The following FAM13B variants were observed in gnomAD, a reference collection of about 807,000 sequenced individuals.
The protein encoded by FAM13B is protein FAM13B.
Under a neutral mutation model 117.3 loss-of-function variants are expected in FAM13B, and 60 were observed. The ratio of observed to expected loss-of-function variants is 0.51; its 90% confidence interval spans 0.42 to 0.63. The LOEUF is 0.63. FAM13B is among the 30% of genes least tolerant of loss of function. The pLI is 0.00. For missense variants in FAM13B, 972 were observed against 1,091.9 expected (o/e 0.89, Z 1.55); for synonymous variants, 332 against 356.1 (o/e 0.93, Z 0.76).
chr5:137,986,919 T>C (rs914394639), intron 9 of FAM13B, among the ~76,000 whole-genome samples: 7 of 152,314 alleles, frequency 4.6e-5, no homozygotes, highest in South Asian at 4.1e-4. Flanking sequence ...GTTTTGGATT[T>C]GGGAGCACTT....
At chr5:137,950,909 TAAG>T (rs1349016279) in intron 17 of FAM13B, among the ~76,000 whole-genome samples, 3 of 152,106 alleles carry the variant, frequency 2.0e-5, no homozygotes, top group African/African-American at 7.2e-5. Context: ...AAAGAGGAGT[TAAG>T]AGACATTATC....
chr5:138,013,691 G>T (rs1784595172), intron 4 of FAM13B, among the ~76,000 whole-genome samples: 1 of 151,970 alleles, frequency 6.6e-6, no homozygotes, highest in African/African-American at 2.4e-5. Context: ...TAAATCACTG[G>T]ACCTATAACT....
intron 10 of FAM13B, among the ~76,000 whole-genome samples, chr5:137,968,438 CAAAAAAA>C (rs1158179498): frequency 3.5e-5 from 2 of 57,952 alleles, no homozygotes; most frequent in Non-Finnish European, 7.2e-5. Flanking sequence ...GACTCTGTCT[CAAAAAAA>C]AAAAAAAAAA....
At chr5:137,994,357 A>C (rs971280558) in intron 7 of FAM13B, among the ~76,000 whole-genome samples, 2 of 152,246 alleles carry the variant, frequency 1.3e-5, no homozygotes, top group Non-Finnish European at 2.9e-5. Flanking sequence ...TCTGAAGGAC[A>C]AAAAGGACTG....
chr5:137,996,020 G>A (rs1278675246), intron 7 of FAM13B, among the ~76,000 whole-genome samples: 1 of 152,138 alleles, frequency 6.6e-6, no homozygotes, highest in Non-Finnish European at 1.5e-5. Flanking sequence ...TTTGCAAACT[G>A]TATGACTCGA....
At chr5:137,972,769 A>T (rs1401133393) in intron 10 of FAM13B, among the ~76,000 whole-genome samples, 2 of 152,194 alleles carry the variant, frequency 1.3e-5, no homozygotes, top group Non-Finnish European at 2.9e-5. Flanking sequence ...AAGTCTCAGG[A>T]TACAAAATCA....
At chr5:138,001,796 T>C (rs887971558) in intron 7 of FAM13B, among the ~76,000 whole-genome samples, 1 of 152,188 alleles carries the variant, frequency 6.6e-6, no homozygotes, top group Non-Finnish European at 1.5e-5. Context: ...GAGAGAACCA[T>C]GCAGCTATCT....
intron 4 of FAM13B, among the ~76,000 whole-genome samples, chr5:138,012,216 CTTTTTTTT>C (rs36054299): frequency 1.6e-5 from 2 of 121,754 alleles, no homozygotes; most frequent in African/African-American, 3.0e-5. Context: ...CCCCAATTCT[CTTTTTTTT>C]TTTTTTTTTT....
At chr5:137,951,934 G>A (rs372510371) in intron 17 of FAM13B, among the ~76,000 whole-genome samples, 65 of 152,086 alleles carry the variant, frequency 4.3e-4, no homozygotes, top group African/African-American at 1.4e-3. Context: ...CTGAGATGGC[G>A]TCACTGAATT....
intron 10 of FAM13B, among the ~76,000 whole-genome samples, chr5:137,979,828 G>C (rs2150502958): frequency 6.6e-6 from 1 of 152,108 alleles, no homozygotes; most frequent in South Asian, 2.1e-4. Context: ...TTCTGTATTA[G>C]AAAGTATGTG....
intron 9 of FAM13B, among the ~76,000 whole-genome samples, chr5:137,986,391 T>C (rs1162107528): frequency 4.7e-5 from 7 of 150,132 alleles, no homozygotes; most frequent in Non-Finnish European, 1.0e-4. Flanking sequence ...TACCTTCCTA[T>C]GAATCTTCTA....
At chr5:138,047,023 C>A (rs1199634389) in intron 1 of FAM13B, among the ~76,000 whole-genome samples, 1 of 151,992 alleles carries the variant, frequency 6.6e-6, no homozygotes, top group East Asian at 2.0e-4. Flanking sequence ...GGATTACAGG[C>A]GTGAGCCACC....
intron 18 of FAM13B, 24 bp from the exon 19 acceptor site, chr5:137,946,335 C>CA (rs767965339): frequency 5.3e-6 from 6 of 1,126,292 alleles, no homozygotes; most frequent in Non-Finnish European, 7.3e-6. Context: ...AAAAAAATAA[C>CA]AAAATACAAA....
At position 137,960,146 on chromosome 5, in the gene FAM13B, G is replaced by T; in HGVS notation, c.1293+20C>A. On this transcript the variant is annotated intron_variant, in intron 12 of 23. Transcript: ENST00000689681. The stretch of plus-strand genomic sequence containing the variant: ...ACCTAGGCAAGTTTTTAAAGACTAA[G>T]ACAAAAAAATAGTTCTTACCAGAAT... 3 of 1,468,922 alleles carry T rather than the reference G, an allele frequency of 2.0e-6. No homozygotes were observed. The highest frequency in any genetic ancestry group is 1.2e-5 in the South Asian group (1 of 81,256). The allele number at this position is 1,468,922 out of a possible 1,614,324, so 91.0% of individuals were successfully genotyped here.
At chr5:138,026,990 C>T (rs1052448276) in intron 1 of FAM13B, among the ~76,000 whole-genome samples, 1 of 144,218 alleles carries the variant, frequency 6.9e-6, no homozygotes, top group Non-Finnish European at 1.6e-5. Context: ...AATAAATTAG[C>T]GAAGTGTGGT....
intron 10 of FAM13B, among the ~76,000 whole-genome samples, chr5:137,984,955 G>A (rs1178505086): frequency 6.6e-6 from 1 of 151,886 alleles, no homozygotes; most frequent in Non-Finnish European, 1.5e-5. Flanking sequence ...ATTTTTAGTA[G>A]AGATGGGGGT....
chr5:137,984,548 A>C (rs952554844), intron 10 of FAM13B, among the ~76,000 whole-genome samples: 3 of 152,104 alleles, frequency 2.0e-5, no homozygotes, highest in Non-Finnish European at 4.4e-5. Flanking sequence ...CATGTCTTAA[A>C]ACTTGTTTTT....
intron 10 of FAM13B, among the ~76,000 whole-genome samples, chr5:137,980,999 C>A (rs1405327301): frequency 1.3e-5 from 2 of 150,354 alleles, no homozygotes; most frequent in Non-Finnish European, 3.0e-5. Context: ...TGCAGCCTTA[C>A]CTCCTGGGCT....
intron 17 of FAM13B, 122 bp downstream of exon 17, chr5:137,952,504 CTT>C (rs1333307404): frequency 1.6e-6 from 1 of 641,914 alleles, no homozygotes; most frequent in African/African-American, 1.8e-5. Flanking sequence ...AAAAAGGTAA[CTT>C]TTATTTTTGT....
Sources: allele counts gnomAD v4.1 joint callset (sites outside exome capture counted in the v4.1 genomes callset), GRCh38; gene constraint gnomAD v4.1.1; transcripts MANE v1.5; gene names NCBI Gene and HGNC (gene_info 2026-07-23, HGNC 2026-07-21).